The following KATNIP variants were observed in gnomAD, a reference collection of about 807,000 sequenced individuals.
KATNIP encodes katanin interacting protein.
Under a neutral mutation model 174.0 loss-of-function variants are expected in KATNIP, and 126 were observed. The ratio of observed to expected loss-of-function variants is 0.72; its 90% CI spans 0.63 to 0.84. The LOEUF is 0.84. Ranked by LOEUF, KATNIP falls within the 40% of genes least tolerant of loss-of-function variation. KATNIP has a pLI of 0.00. For synonymous variants in KATNIP, 810 were observed against 835.7 expected, an observed-to-expected ratio of 0.97 and a Z score of 0.53; for missense variants, 1,958 against 2,109.7, an observed-to-expected ratio of 0.93 and a Z score of 1.41.
intron 6 of KATNIP, among the ~76,000 whole-genome samples, chr16:27,667,221 C>T (rs1181975114): frequency 1.3e-5 from 2 of 151,410 alleles, no homozygotes; most frequent in African/African-American, 2.4e-5. Context: ...ACCAAAAAGT[C>T]GGAGAATCTC....
At chr16:27,650,422 C>T (rs956622258) in intron 6 of KATNIP, among the ~76,000 whole-genome samples, 13 of 152,174 alleles carry the variant, frequency 8.5e-5, no homozygotes, top group Admixed American at 6.5e-4. Context: ...AGAATGAGTA[C>T]ATCATCTCCA....
intron 14 of KATNIP, among the ~76,000 whole-genome samples, chr16:27,729,577 G>A (rs2080580922): frequency 6.6e-6 from 1 of 152,144 alleles, no homozygotes; most frequent in African/African-American, 2.4e-5. Context: ...TTATTCATCA[G>A]CTTCCAAACT....
chr16:27,778,665 G>A lies in KATNIP; in HGVS notation c.*36G>A, dbSNP rs1840330772. 6 of 1,601,456 alleles carry A rather than the reference G, an allele frequency of 3.7e-6. No homozygotes were observed. Among genetic ancestry groups the A allele is most frequent in the Non-Finnish European group, 5.1e-6 (6 of 1,171,060 alleles). ...AGGGAGAGCTGGTCCTCCCACTATG[G>A]TGGGCTCCGTCAGCAGCCCCACTCA... On this transcript the variant is annotated 3_prime_UTR_variant, in exon 28 of 28. Transcript: ENST00000261588.
intron 5 of KATNIP, among the ~76,000 whole-genome samples, chr16:27,646,068 C>T (rs937883054): frequency 1.3e-4 from 20 of 152,300 alleles, no homozygotes; most frequent in Middle Eastern, 6.8e-3. Flanking sequence ...ATAGCATAAG[C>T]AGAGGCACAG....
intron 1 of KATNIP, among the ~76,000 whole-genome samples, chr16:27,555,836 CA>C (rs1034115468): frequency 1.3e-3 from 159 of 121,224 alleles, no homozygotes; most frequent in Admixed American, 1.5e-3. Context: ...AACTCCGTCT[CA>C]AAAAAAAAAA....
chr16:27,643,590 C>CAAAAAAAAAAAAAAAA (rs562253355), intron 5 of KATNIP, among the ~76,000 whole-genome samples: 1 of 40,486 alleles, frequency 2.5e-5, no homozygotes, highest in Non-Finnish European at 4.0e-5. Flanking sequence ...GACTCTGTCT[C>CAAAAAAAAAAAAAAAA]AAAAAAAAAA....
intron 6 of KATNIP, among the ~76,000 whole-genome samples, chr16:27,653,238 G>A (rs920455035): frequency 1.3e-5 from 2 of 152,206 alleles, no homozygotes; most frequent in East Asian, 1.9e-4. Context: ...AGCGTGATAC[G>A]TGACAGGAAG....
At chr16:27,757,001 T>C (rs2081757161) in intron 18 of KATNIP, among the ~76,000 whole-genome samples, 1 of 152,232 alleles carries the variant, frequency 6.6e-6, no homozygotes, top group South Asian at 2.1e-4. Context: ...TGAATCCCAA[T>C]AGTTGCAACT....
At chr16:27,756,020 T>C (rs942439657) in intron 18 of KATNIP, among the ~76,000 whole-genome samples, 5 of 152,208 alleles carry the variant, frequency 3.3e-5, no homozygotes, top group African/African-American at 7.2e-5. Flanking sequence ...CCGTCAGCAC[T>C]TCCCGCCACC....
intron 18 of KATNIP, among the ~76,000 whole-genome samples, chr16:27,760,309 T>C (rs1206669342): frequency 6.6e-6 from 1 of 152,154 alleles, no homozygotes; most frequent in Admixed American, 6.5e-5. Context: ...TTATTGTGTT[T>C]GGTCTTGCTC....
At chr16:27,766,682 A>G (rs2082137178) in intron 20 of KATNIP, among the ~76,000 whole-genome samples, 2 of 152,178 alleles carry the variant, frequency 1.3e-5, no homozygotes, top group African/African-American at 4.8e-5. Context: ...TTTCCAGGGA[A>G]CTGCACAGCA....
At chr16:27,689,928 G>C (rs969037314) in intron 8 of KATNIP, among the ~76,000 whole-genome samples, 1 of 152,168 alleles carries the variant, frequency 6.6e-6, no homozygotes, top group Non-Finnish European at 1.5e-5. Context: ...TTTCAGGGCA[G>C]CAAGAGAGGA....
In KATNIP at chr16:27,773,166, G is replaced by A; in HGVS notation, c.4266G>A (p.Glu1422=). Residue 1422 remains glutamate, a synonymous_variant, in exon 23 of 28, where the codon GAG becomes GAA. Coordinates refer to ENST00000261588, the MANE Select transcript of KATNIP (RefSeq NM_015202.5). The stretch of plus-strand genomic sequence containing the variant: ...ACTACATCGGCCTCACCGGCCTGGA[G>A]CTGTATGACGAGCGAGGAGAAAAAA... ...DPYYIGLTGL[E]LYDERGEKIP... The A allele has an allele frequency of 3.7e-6, 6 of 1,612,546 alleles. No homozygotes were observed. Among genetic ancestry groups the A allele is most frequent in the Non-Finnish European group, 5.1e-6 (6 of 1,179,314 alleles).
At chr16:27,690,317 G>A (rs376770433) in intron 8 of KATNIP, among the ~76,000 whole-genome samples, 1 of 85,934 alleles carries the variant, frequency 1.2e-5, no homozygotes, top group Non-Finnish European at 2.8e-5. Flanking sequence ...CCCCATCTCA[G>A]ATAGATAGAT....
intron 6 of KATNIP, chr16:27,654,538 G>A (rs1267761457): frequency 2.3e-6 from 3 of 1,299,390 alleles, no homozygotes; most frequent in African/African-American, 3.0e-5. Context: ...ACAGAAGAGC[G>A]AGGCCCCAGC....
At chr16:27,684,697 G>T (rs891445217) in intron 8 of KATNIP, among the ~76,000 whole-genome samples, 2 of 152,198 alleles carry the variant, frequency 1.3e-5, no homozygotes, top group Non-Finnish European at 2.9e-5. Flanking sequence ...AGGCACTGGG[G>T]GGTAGTCCAT....
chr16:27,718,093 A>T (rs181748836), intron 13 of KATNIP: 1 of 152,324 alleles, frequency 6.6e-6, no homozygotes, highest in African/African-American at 2.4e-5. Context: ...CTTCTAGGGG[A>T]ATCCAGAGAC....
intron 2 of KATNIP, among the ~76,000 whole-genome samples, chr16:27,574,494 A>G (rs2090416398): frequency 6.6e-6 from 1 of 151,486 alleles, no homozygotes; most frequent in African/African-American, 2.4e-5. Context: ...AGGAGTGGCA[A>G]CTGCAGGACT....
intron 6 of KATNIP, among the ~76,000 whole-genome samples, chr16:27,667,579 G>A (rs919044099): frequency 6.6e-6 from 1 of 152,054 alleles, no homozygotes; most frequent in Non-Finnish European, 1.5e-5. Context: ...GGGGCAGGGG[G>A]TTGGTTGGGG....
Sources: allele counts gnomAD v4.1 joint callset (sites outside exome capture counted in the v4.1 genomes callset), GRCh38; gene constraint gnomAD v4.1.1; transcripts MANE v1.5; gene names NCBI Gene and HGNC (gene_info 2026-07-23, HGNC 2026-07-21).